Variants in CACNA2D1 observed in about 807,000 individuals in gnomAD.
The protein encoded by CACNA2D1 is calcium voltage-gated channel auxiliary subunit alpha2delta 1, also known as voltage-dependent calcium channel subunit alpha-2/delta-1.
CACNA2D1 carries 53 observed loss-of-function variants against 171.5 expected under a neutral mutation model. The ratio of observed to expected loss-of-function variants is 0.31; its 90% CI spans 0.25 to 0.39. The LOEUF (loss-of-function observed/expected upper bound fraction) is 0.39, where lower values mean the gene tolerates loss of function less well. Ranked by LOEUF, CACNA2D1 falls within the 10% of genes least tolerant of loss-of-function variation. The pLI is 1.00. For missense variants in CACNA2D1, 903 were observed against 1,299.8 expected, an observed-to-expected ratio of 0.69 and a Z score of 4.69; for synonymous variants, 442 against 443.1, an observed-to-expected ratio of 1.00 and a Z score of 0.03.
chr7:82,233,217 T>C (rs1178663920), intron 3 of CACNA2D1, among the ~76,000 whole-genome samples: 1 of 152,236 alleles, frequency 6.6e-6, no homozygotes, highest in Non-Finnish European at 1.5e-5. Context: ...TTTCAAACAT[T>C]ATTTTATTCT....
At chr7:82,210,680 C>G (rs978387113) in intron 3 of CACNA2D1, among the ~76,000 whole-genome samples, 3 of 152,150 alleles carry the variant, frequency 2.0e-5, no homozygotes, top group Admixed American at 2.0e-4. Flanking sequence ...CAAGGGATTT[C>G]AAAACATTCA....
At chr7:82,349,674 T>C (rs374153020) in intron 1 of CACNA2D1, 25 bp from the exon 2 acceptor site, 114 of 1,543,202 alleles carry the variant, frequency 7.4e-5, no homozygotes, top group Non-Finnish European at 9.9e-5. Flanking sequence ...AAAGATTATG[T>C]TCTATCAGAT....
rs537176007 is a variant in CACNA2D1 at position 82,023,577 on chromosome 7, A to G, written c.1144-9098T>C. 3.5e-5 allele frequency among the ~76,000 whole-genome samples: 5 copies of G among 141,848 alleles called. No individual in the cohort carries two copies. The South Asian group carries it at 6.4e-4, about 18-fold the overall frequency. The allele number at this position is 141,848 out of a possible 152,430, so 93.1% of individuals were successfully genotyped here. Reference sequence around the variant, plus strand: ...ACAAGAGGCTTGGGGGAAAACAAAGAGTTAGGTTTTTTTTTTTAAGCTCAC... The same window carrying G: ...ACAAGAGGCTTGGGGGAAAACAAAGGGTTAGGTTTTTTTTTTTAAGCTCAC... On this transcript the variant is annotated intron_variant, in intron 12 of 38. Coordinates refer to ENST00000356860, the MANE Select transcript of CACNA2D1 (RefSeq NM_000722.4).
At chr7:82,101,881 A>G (rs1040152386) in intron 6 of CACNA2D1, among the ~76,000 whole-genome samples, 2 of 152,198 alleles carry the variant, frequency 1.3e-5, no homozygotes, top group African/African-American at 4.8e-5. Context: ...GTGTAACTGT[A>G]TCAGTAGGAA....
chr7:82,440,464 T>C (rs892068537), intron 1 of CACNA2D1, among the ~76,000 whole-genome samples: 5 of 151,894 alleles, frequency 3.3e-5, no homozygotes, highest in Non-Finnish European at 5.9e-5. Context: ...CAATACGACA[T>C]GTGCATACTA....
chr7:82,149,795 A>C (rs949161403), intron 4 of CACNA2D1, among the ~76,000 whole-genome samples: 7 of 127,250 alleles, frequency 5.5e-5, no homozygotes, highest in African/African-American at 2.1e-4. Flanking sequence ...AACAAACAAC[A>C]AAAAAAAAAA....
chr7:82,082,832 T>G (rs1182685799), intron 7 of CACNA2D1, among the ~76,000 whole-genome samples: 1 of 152,014 alleles, frequency 6.6e-6, no homozygotes, highest in Non-Finnish European at 1.5e-5. Context: ...AATATATGAT[T>G]AGCATCAAAA....
At chr7:82,334,896 T>C (rs1384114309) in intron 3 of CACNA2D1, among the ~76,000 whole-genome samples, 2 of 152,046 alleles carry the variant, frequency 1.3e-5, no homozygotes, top group African/African-American at 4.8e-5. Flanking sequence ...TGTGGATACA[T>C]ATACATATAA....
chr7:82,063,861 A>ATT (rs1177856743), intron 9 of CACNA2D1, among the ~76,000 whole-genome samples: 1 of 144,496 alleles, frequency 6.9e-6, no homozygotes, highest in African/African-American at 2.5e-5. Flanking sequence ...AAAGTCCCAG[A>ATT]TTTTTTTTTT....
chr7:82,264,997 C>T (rs769121979), intron 3 of CACNA2D1, among the ~76,000 whole-genome samples: 4 of 152,158 alleles, frequency 2.6e-5, no homozygotes, highest in African/African-American at 7.2e-5. Flanking sequence ...TGCAATGACA[C>T]ATCAGGTTTC....
chr7:82,285,440 C>A (rs746659448), intron 3 of CACNA2D1, among the ~76,000 whole-genome samples: 1 of 152,100 alleles, frequency 6.6e-6, no homozygotes, highest in Non-Finnish European at 1.5e-5. Flanking sequence ...AATAGTTATT[C>A]CCTTATTTAC....
At chr7:82,135,350 T>C (rs1415837976) in intron 5 of CACNA2D1, among the ~76,000 whole-genome samples, 6 of 152,104 alleles carry the variant, frequency 3.9e-5, no homozygotes, top group African/African-American at 1.4e-4. Context: ...TTGATATCAA[T>C]AAACCATTAA....
chr7:81,997,077 C>A, intron 19 of CACNA2D1, 102 bp downstream of exon 19: 1 of 787,344 alleles, frequency 1.3e-6, no homozygotes, highest in Admixed American at 1.7e-5. Flanking sequence ...CAGTATCAAA[C>A]AGACAAGCTA....
intron 3 of CACNA2D1, among the ~76,000 whole-genome samples, chr7:82,318,972 A>G (rs1815469189): frequency 6.6e-6 from 1 of 152,232 alleles, no homozygotes; most frequent in African/African-American, 2.4e-5. Flanking sequence ...AGTGCCTGAC[A>G]CATGATAAGT....
chr7:82,137,073 C>T (rs1307980001), intron 4 of CACNA2D1, among the ~76,000 whole-genome samples: 1 of 152,128 alleles, frequency 6.6e-6, no homozygotes, highest in African/African-American at 2.4e-5. Flanking sequence ...TATACATACA[C>T]AGAGTGTTGA....
intron 21 of CACNA2D1, 84 bp downstream of exon 21, chr7:81,991,101 A>G: frequency 1.3e-6 from 1 of 757,130 alleles, no homozygotes; most frequent in Non-Finnish European, 2.4e-6. Flanking sequence ...TCTAGTGAAA[A>G]TCACATGAAA....
At chr7:82,378,928 G>A (rs1823335007) in intron 1 of CACNA2D1, among the ~76,000 whole-genome samples, 1 of 138,182 alleles carries the variant, frequency 7.2e-6, no homozygotes, top group Non-Finnish European at 1.5e-5. Context: ...TATGTGTGCA[G>A]GGGTTGACTC....
chr7:82,404,440 T>A (rs1048314766), intron 1 of CACNA2D1, among the ~76,000 whole-genome samples: 4 of 152,198 alleles, frequency 2.6e-5, no homozygotes, highest in African/African-American at 9.6e-5. Flanking sequence ...TTGACACCCC[T>A]GGTTCAAATA....
intron 10 of CACNA2D1, among the ~76,000 whole-genome samples, chr7:82,052,091 G>A (rs999824695): frequency 3.3e-5 from 5 of 152,136 alleles, no homozygotes; most frequent in Non-Finnish European, 5.9e-5. Flanking sequence ...TGATTTTTCT[G>A]TTTGGTGGCT....
Sources: allele counts gnomAD v4.1 joint callset (sites outside exome capture counted in the v4.1 genomes callset), GRCh38; gene constraint gnomAD v4.1.1; transcripts MANE v1.5; gene names NCBI Gene and HGNC (gene_info 2026-07-23, HGNC 2026-07-21).